Variants in SRGAP2B observed in about 807,000 individuals in gnomAD.
SRGAP2B encodes SLIT-ROBO Rho GTPase-activating protein 2B.
A neutral mutation model predicts 22.2 loss-of-function variants in SRGAP2B; 9 were observed. The observed-to-expected ratio is 0.41, with a 90% CI of 0.24 to 0.71. The LOEUF is 0.71. Ranked by LOEUF, SRGAP2B falls within the 30% of genes least tolerant of loss-of-function variation. SRGAP2B has a pLI of 0.35. For synonymous variants in SRGAP2B, 36 were observed against 87.4 expected (o/e 0.41, Z 3.28); for missense variants, 114 against 235.8 (o/e 0.48, Z 3.38).
At chr1:144,926,973 G>A (rs1214561515) in intron 4 of SRGAP2B, among the ~76,000 whole-genome samples, 15 of 151,832 alleles carry the variant, frequency 9.9e-5, no homozygotes, top group African/African-American at 2.7e-4. Flanking sequence ...TTTTGGAGAC[G>A]GAGTCTCACT....
intron 3 of SRGAP2B, among the ~76,000 whole-genome samples, chr1:144,970,645 T>TTA (rs1260505067): frequency 2.3e-5 from 3 of 128,466 alleles, no homozygotes; most frequent in East Asian, 4.4e-4. Flanking sequence ...CTTAAAGTAT[T>TTA]AAAAAAAAAA....
intron 3 of SRGAP2B, among the ~76,000 whole-genome samples, chr1:144,994,151 G>A (rs1163331310): frequency 6.7e-5 from 9 of 134,130 alleles, no homozygotes; most frequent in Admixed American, 1.5e-4. Flanking sequence ...ACACCACCCT[G>A]TTACCCAGGC....
chr1:144,960,521 CA>C (rs1667591330), intron 3 of SRGAP2B, among the ~76,000 whole-genome samples: 1 of 150,352 alleles, frequency 6.7e-6, no homozygotes, highest in Non-Finnish European at 1.5e-5. Flanking sequence ...GGACGTTCAA[CA>C]AACTTAGCAA....
intron 7 of SRGAP2B, among the ~76,000 whole-genome samples, chr1:144,898,961 GC>G (rs1192998729): frequency 1.8e-4 from 26 of 145,012 alleles, no homozygotes; most frequent in African/African-American, 5.9e-4. Flanking sequence ...GGGAGATGCT[GC>G]TGGTCTCACC....
chr1:145,090,284 G>A (rs1553636103), intron 2 of SRGAP2B, among the ~76,000 whole-genome samples: 1 of 148,154 alleles, frequency 6.7e-6, no homozygotes, highest in East Asian at 2.0e-4. Flanking sequence ...TAAGCTCCAC[G>A]AGGGTAGAGA....
At chr1:144,994,567 T>TGTGTGAGA (rs72366347) in intron 3 of SRGAP2B, among the ~76,000 whole-genome samples, 12 of 122,486 alleles carry the variant, frequency 9.8e-5, no homozygotes, top group African/African-American at 1.4e-4. Flanking sequence ...TGTGTGTGTG[T>TGTGTGAGA]GAGAGAGAGA....
intron 2 of SRGAP2B, among the ~76,000 whole-genome samples, chr1:145,009,692 AT>A (rs1394980508): frequency 6.9e-6 from 1 of 145,516 alleles, no homozygotes; most frequent in Non-Finnish European, 1.5e-5. Flanking sequence ...TATATTTGAA[AT>A]TTTTTATAAT....
At chr1:144,973,447 A>G (rs1433718158) in intron 3 of SRGAP2B, among the ~76,000 whole-genome samples, 6 of 95,158 alleles carry the variant, frequency 6.3e-5, no homozygotes, top group African/African-American at 9.0e-5. Flanking sequence ...GGAGGGAGGG[A>G]GGGAGGGAAG....
chr1:144,898,502 T>C lies in SRGAP2B; in HGVS notation c.832-1165A>G, dbSNP rs1404612948. Among the ~76,000 whole-genome samples the C allele has an allele frequency of 4.0e-5, 6 of 148,778 alleles. No homozygotes were observed. In the East Asian group the frequency reaches 9.8e-4, roughly 24 times the overall value. ...CAAAAGACCCAGAGATCCCAATTCC[T>C]TGGCCATCCATCATCCTCTCTATTG... On this transcript the variant is annotated intron_variant, in intron 7 of 9. Transcript: ENST00000612199.
chr1:144,923,117 G>A (rs782375438), intron 4 of SRGAP2B, among the ~76,000 whole-genome samples: 80 of 150,554 alleles, frequency 5.3e-4, no homozygotes, highest in Non-Finnish European at 1.0e-3. Flanking sequence ...ACGGCCCTCT[G>A]CTCTCCCAGT....
At chr1:144,924,659 G>A (rs1340473321) in intron 4 of SRGAP2B, among the ~76,000 whole-genome samples, 1 of 151,000 alleles carries the variant, frequency 6.6e-6, no homozygotes, top group Non-Finnish European at 1.5e-5. Flanking sequence ...GTGAACCCGG[G>A]AGGCGGAGCT....
Position 144,920,931 on chromosome 1 carries a change from T to C in SRGAP2B, c.424-6177A>G, listed in dbSNP as rs1276352106. 6.7e-5 allele frequency among the ~76,000 whole-genome samples: 10 copies of C among 150,132 alleles called. No individual in the cohort carries two copies. The East Asian group carries it at 1.7e-3, about 26-fold the overall frequency. On this transcript the variant is annotated intron_variant, in intron 4 of 9. Transcript: ENST00000612199. ...AGATGTTTCAAAGCAGGTTCAATTA[T>C]TGAATGCTGGCAAGGGAGAAATGGC...
At chr1:144,941,511 A>C (rs1413073490) in intron 4 of SRGAP2B, among the ~76,000 whole-genome samples, 1 of 150,334 alleles carries the variant, frequency 6.7e-6, no homozygotes, top group Non-Finnish European at 1.5e-5. Context: ...AAAAAAGAAA[A>C]AGAAAACAAA....
chr1:144,939,479 T>A (rs1553607003), intron 4 of SRGAP2B, among the ~76,000 whole-genome samples: 2 of 146,224 alleles, frequency 1.4e-5, no homozygotes, highest in East Asian at 4.0e-4. Context: ...GCTATCTAAA[T>A]TGTAACCTGC....
chr1:144,989,127 C>T (rs587742366), intron 3 of SRGAP2B, among the ~76,000 whole-genome samples: 4 of 123,454 alleles, frequency 3.2e-5, no homozygotes, highest in African/African-American at 1.3e-4. Context: ...CACTAAAATG[C>T]TGCCACACCC....
intron 2 of SRGAP2B, among the ~76,000 whole-genome samples, chr1:145,045,210 T>C (rs1455371161): frequency 2.7e-5 from 3 of 112,674 alleles, no homozygotes; most frequent in Non-Finnish European, 5.3e-5. Context: ...GAATGGAGAA[T>C]GGCGTGAACC....
intron 2 of SRGAP2B, among the ~76,000 whole-genome samples, chr1:145,068,249 A>C (rs587641500): frequency 6.7e-6 from 1 of 149,348 alleles, no homozygotes; most frequent in South Asian, 2.1e-4. Flanking sequence ...CCATGAAAGC[A>C]GGGACTTCCT....
At chr1:145,069,791 T>A (rs1571136744) in intron 2 of SRGAP2B, among the ~76,000 whole-genome samples, 1 of 142,186 alleles carries the variant, frequency 7.0e-6, no homozygotes, top group African/African-American at 2.7e-5. Context: ...AAAACTTGGC[T>A]TCTAACGTCA....
chr1:145,058,062 G>A (rs1408235241), intron 2 of SRGAP2B, among the ~76,000 whole-genome samples: 1 of 148,256 alleles, frequency 6.7e-6, no homozygotes, highest in Non-Finnish European at 1.5e-5. Flanking sequence ...AAAGTGCAAA[G>A]GTCAGGTTCA....
Sources: gnomAD v4.1 joint callset for allele counts (sites outside exome capture counted in the v4.1 genomes callset) on GRCh38, gnomAD v4.1.1 for gene constraint, MANE v1.5 for transcripts, NCBI Gene and HGNC (gene_info 2026-07-23, HGNC 2026-07-21) for gene names.